The following OTOGL variants were observed in gnomAD, a reference collection of about 807,000 sequenced individuals.
OTOGL encodes the protein otogelin like.
OTOGL carries 285 observed loss-of-function variants against 318.5 expected under a neutral mutation model. The observed-to-expected ratio is 0.89, with a 90% confidence interval of 0.81 to 0.99. The LOEUF (loss-of-function observed/expected upper bound fraction) is 0.99. Ranked by LOEUF, OTOGL falls within the 50% of genes least tolerant of loss-of-function variation. The pLI, the probability that OTOGL is intolerant of heterozygous loss-of-function variation, is 0.00. For synonymous variants in OTOGL, 987 were observed against 936.5 expected (o/e 1.05, Z -0.99); for missense variants, 2,899 against 2,845.6 (o/e 1.02, Z -0.43).
chr12:80,293,247 T>C (rs1300828887), intron 26 of OTOGL, among the ~76,000 whole-genome samples: 1 of 152,156 alleles, frequency 6.6e-6, no homozygotes, highest in Non-Finnish European at 1.5e-5. Flanking sequence ...TTTTACTATC[T>C]CTTAATATTA....
In OTOGL at chr12:80,333,084, A is replaced by G. The variant is rs773287431; in HGVS notation, c.4422+6A>G. On this transcript the variant is annotated splice_donor_region_variant and intron_variant, in intron 38 of 58. Coordinates refer to ENST00000547103, the MANE Select transcript of OTOGL (RefSeq NM_001378609.3). The stretch of plus-strand genomic sequence containing the variant: ...CTACAGGCTTGGAATGTGAGGTATG[A>G]CTGAGCAATATCTTCCAGCTCTTTG... The G allele has an allele frequency of 1.8e-5, 28 of 1,578,256 alleles. No individual in the cohort carries two copies. The highest frequency in any genetic ancestry group is 2.4e-5 in the Non-Finnish European group (28 of 1,154,794).
At chr12:80,367,504 G>A (rs1890616184) in intron 53 of OTOGL, 57 bp from the exon 54 acceptor site, 2 of 1,276,830 alleles carry the variant, frequency 1.6e-6, no homozygotes, top group South Asian at 3.3e-5. Context: ...TTCCAACGAT[G>A]GATTAGTACA....
At chr12:80,124,947 A>C in intron 1 of OTOGL, among the ~76,000 whole-genome samples, 1 of 152,208 alleles carries the variant, frequency 6.6e-6, no homozygotes, top group East Asian at 1.9e-4. Flanking sequence ...GGCTGAGACA[A>C]TGGGGTTTTC....
intron 34 of OTOGL, among the ~76,000 whole-genome samples, chr12:80,322,865 A>G (rs1887427453): frequency 6.6e-6 from 1 of 152,200 alleles, no homozygotes; most frequent in Non-Finnish European, 1.5e-5. Context: ...TATTCTTCCT[A>G]GATTTGAGTT....
chr12:80,150,465 G>T (rs1872717191), intron 1 of OTOGL, among the ~76,000 whole-genome samples: 1 of 152,162 alleles, frequency 6.6e-6, no homozygotes, highest in Admixed American at 6.5e-5. Context: ...GAATGTTAAG[G>T]ACTCATCCAT....
At chr12:80,310,856 G>T in intron 30 of OTOGL, 129 bp downstream of exon 30, 7 of 638,702 alleles carry the variant, frequency 1.1e-5, no homozygotes, top group African/African-American at 1.8e-5. Context: ...TATTGTTAGG[G>T]GGGCATATGT....
At position 80,378,552 on chromosome 12, in the gene OTOGL, A is replaced by G. The variant is rs1296602285; in HGVS notation, c.*504A>G. 6.5e-6 allele frequency: 1 copy of G among 152,956 alleles called. No homozygotes were observed. The allele number at this position is 152,956 out of a possible 1,614,324, so 9.5% of individuals were successfully genotyped here. A position where few individuals can be genotyped will look rare whatever the true frequency, so the allele number is the denominator to read the frequency against. On this transcript the variant is annotated 3_prime_UTR_variant, in exon 59 of 59. Coordinates refer to ENST00000547103, the MANE Select transcript of OTOGL (RefSeq NM_001378609.3). Reference sequence around the variant, plus strand: ...ATTATTTAAAACCTGAATGGTTTATAGAGAAGTCATTATAAATTCCCCTCA... The same window carrying G: ...ATTATTTAAAACCTGAATGGTTTATGGAGAAGTCATTATAAATTCCCCTCA...
chr12:80,341,415 T>C (rs918909409), intron 43 of OTOGL, among the ~76,000 whole-genome samples: 4 of 152,202 alleles, frequency 2.6e-5, no homozygotes, highest in African/African-American at 4.8e-5. Context: ...CAGTTGCTAA[T>C]GCAAGGGAAT....
At chr12:80,250,027 G>C (rs981799839) in intron 11 of OTOGL, among the ~76,000 whole-genome samples, 49 of 152,010 alleles carry the variant, frequency 3.2e-4, no homozygotes, top group Non-Finnish European at 1.8e-4. Flanking sequence ...TTCGGCTCGC[G>C]CACGGTGCGC....
Position 80,344,267 on chromosome 12 carries a change from C to T in OTOGL, c.5265+2105C>T, listed in dbSNP as rs188789607. Among the ~76,000 whole-genome samples, 8 of 152,274 alleles carry T rather than the reference C, an allele frequency of 5.3e-5. No individual in the cohort carries two copies. The East Asian group carries it at 1.5e-3, about 29-fold the overall frequency. On this transcript the variant is annotated intron_variant, in intron 44 of 58. Coordinates refer to ENST00000547103, the MANE Select transcript of OTOGL (RefSeq NM_001378609.3). ...TTAAAATTGCGTTTTTAACTGGGAACTTGAAAGGTTGGTTATATCAGGAAA... is the reference window on the plus strand; with the variant it reads ...TTAAAATTGCGTTTTTAACTGGGAATTTGAAAGGTTGGTTATATCAGGAAA...
At chr12:80,335,819 G>T in intron 38 of OTOGL, 144 bp from the exon 39 acceptor site, 2 of 630,038 alleles carry the variant, frequency 3.2e-6, no homozygotes, top group Non-Finnish European at 2.4e-6. Flanking sequence ...ATAAAAAGTT[G>T]CAGCATAATT....
intron 3 of OTOGL, 122 bp from the exon 4 acceptor site, chr12:80,211,827 A>G: frequency 1.2e-6 from 1 of 817,894 alleles, no homozygotes. Flanking sequence ...TGTTAAACCA[A>G]GAAAGACCTC....
chr12:80,121,673 T>A (rs1870498735), intron 1 of OTOGL, among the ~76,000 whole-genome samples: 1 of 152,206 alleles, frequency 6.6e-6, no homozygotes, highest in African/African-American at 2.4e-5. Context: ...AAAACACTTC[T>A]CTTCGTATCA....
Position 80,251,811 on chromosome 12 carries a change from T to A in OTOGL, c.1159+12T>A. The A allele has an allele frequency of 3.9e-6, 6 of 1,553,726 alleles. No individual in the cohort carries two copies. The highest frequency in any genetic ancestry group is 5.2e-6 in the Non-Finnish European group (6 of 1,146,100). On this transcript the variant is annotated intron_variant, in intron 12 of 58. Transcript: ENST00000547103. Reference sequence around the variant, plus strand: ...CTTTCCAGCATGCAGTATGTTTTTTTATTTTCCAAGCCCTGTGTACTTTTG... The same window carrying A: ...CTTTCCAGCATGCAGTATGTTTTTTAATTTTCCAAGCCCTGTGTACTTTTG...
intron 14 of OTOGL, 76 bp downstream of exon 14, chr12:80,253,650 G>T: frequency 8.7e-7 from 1 of 1,146,204 alleles, no homozygotes; most frequent in Non-Finnish European, 1.3e-6. Context: ...GATGTTTAAA[G>T]GAATATACTC....
chr12:80,127,945 T>C (rs1870964394), intron 1 of OTOGL, among the ~76,000 whole-genome samples: 1 of 152,182 alleles, frequency 6.6e-6, no homozygotes, highest in Admixed American at 6.5e-5. Flanking sequence ...ATTCATCTAA[T>C]CTTTTTTCAA....
chr12:80,226,914 T>A (rs1489363766), intron 7 of OTOGL, among the ~76,000 whole-genome samples: 1 of 152,188 alleles, frequency 6.6e-6, no homozygotes, highest in Non-Finnish European at 1.5e-5. Context: ...ACTTTCAGAA[T>A]TTTAAATTTC....
chr12:80,327,108 A>G (rs1887722488), intron 35 of OTOGL, among the ~76,000 whole-genome samples: 1 of 152,256 alleles, frequency 6.6e-6, no homozygotes, highest in South Asian at 2.1e-4. Flanking sequence ...TATAATAATT[A>G]GAGTTGGTTG....
chr12:80,211,262 A>T (rs1010042425), intron 3 of OTOGL, among the ~76,000 whole-genome samples: 2 of 152,042 alleles, frequency 1.3e-5, no homozygotes, highest in African/African-American at 4.8e-5. Flanking sequence ...TATTATGTTC[A>T]TTTTTAGCAG....
Sources: allele counts gnomAD v4.1 joint callset (sites outside exome capture counted in the v4.1 genomes callset), GRCh38; gene constraint gnomAD v4.1.1; transcripts MANE v1.5; gene names NCBI Gene and HGNC (gene_info 2026-07-23, HGNC 2026-07-21).